Variants in PARD3B observed in about 807,000 individuals in gnomAD.
PARD3B encodes the protein par-3 family cell polarity regulator beta, also known as partitioning defective 3 homolog B.
Under a neutral mutation model 130.2 loss-of-function variants are expected in PARD3B, and 103 were observed. That is an observed-to-expected ratio of 0.79 (90% CI 0.67 to 0.93). The LOEUF is 0.93. Ranked by LOEUF, PARD3B falls within the 40% of genes least tolerant of loss-of-function variation. The pLI is 0.00. For synonymous variants in PARD3B, 583 were observed against 553.2 expected, an observed-to-expected ratio of 1.05 and a Z score of -0.76; for missense variants, 1,609 against 1,499.2, an observed-to-expected ratio of 1.07 and a Z score of -1.21.
intron 2 of PARD3B, among the ~76,000 whole-genome samples, chr2:204,746,212 A>G (rs1183145006): frequency 6.4e-5 from 9 of 141,304 alleles, no homozygotes; most frequent in Non-Finnish European, 1.5e-5. Context: ...ATTCCCACCT[A>G]TGAGTGAGAA....
chr2:205,113,661 G>A (rs1410061434), intron 6 of PARD3B, 84 bp downstream of exon 6: 1 of 981,412 alleles, frequency 1.0e-6, no homozygotes, highest in Non-Finnish European at 1.5e-6. Flanking sequence ...TTCACAAGGA[G>A]ATTAAATGTG....
intron 4 of PARD3B, among the ~76,000 whole-genome samples, chr2:205,080,467 G>A (rs1043369347): frequency 1.3e-5 from 2 of 151,844 alleles, no homozygotes; most frequent in Non-Finnish European, 2.9e-5. Context: ...ATATGAAAAG[G>A]GAAAAAATAA....
Position 205,615,555 on chromosome 2 carries a change from C to A in PARD3B, c.3360C>A (p.His1120Gln), listed in dbSNP as rs775717866. 5.0e-6 allele frequency: 8 copies of A among 1,614,050 alleles called. No individual in the cohort carries two copies. The Admixed American group carries it at 8.3e-5, about 17-fold the overall frequency. Residue 1120 changes from histidine to glutamine, a missense_variant, in exon 23 of 23, where the codon CAC (histidine) becomes CAA (glutamine). By Grantham distance (24) the His-to-Gln change is conservative. Transcript: ENST00000406610. ...LPYYPGAHPM[H>Q]PPKGSYPRPT... The stretch of plus-strand genomic sequence containing the variant: ...ATTATCCAGGGGCTCATCCTATGCA[C>A]CCTCCCAAAGGGAGCTATCCCCGCC...
intron 2 of PARD3B, among the ~76,000 whole-genome samples, chr2:204,854,680 A>C (rs973013135): frequency 6.6e-6 from 1 of 152,160 alleles, no homozygotes; most frequent in Admixed American, 6.5e-5. Context: ...CATGAGGCAA[A>C]ATGTCTCCTG....
In PARD3B at chr2:205,274,529, G is replaced by A. The variant is rs1190888635; in HGVS notation, c.2186-26001G>A. ...TAAATATGAATAGTATTAAATGTGT[G>A]GTACATTGCTTTTTTTAATAACCCC... On this transcript the variant is annotated intron_variant, in intron 16 of 22. Transcript: ENST00000406610. This position sits in a 1 kb window ranked among gnomAD's most constrained non-coding sequence, Gnocchi z 4.2. Among the ~76,000 whole-genome samples, 2 of 61,806 alleles carry A rather than the reference G, an allele frequency of 3.2e-5. No individual in the cohort carries two copies. Among genetic ancestry groups the A allele is most frequent in the Non-Finnish European group, 6.9e-5 (2 of 28,882 alleles). The allele number at this position is 61,806 out of a possible 152,430, so 40.5% of individuals were successfully genotyped here. A position where few individuals can be genotyped will look rare whatever the true frequency, so the allele number is the denominator to read the frequency against.
chr2:204,643,468 A>G (rs1314210098), intron 1 of PARD3B, among the ~76,000 whole-genome samples: 3 of 152,078 alleles, frequency 2.0e-5, no homozygotes, highest in Admixed American at 2.0e-4. Context: ...GTGTCTTTCT[A>G]CGAATTTGAC....
intron 2 of PARD3B, among the ~76,000 whole-genome samples, chr2:204,800,405 G>A (rs958755463): frequency 6.6e-6 from 1 of 152,096 alleles, no homozygotes; most frequent in South Asian, 2.1e-4. Flanking sequence ...GCAAATTTAA[G>A]TTAGTGGCCT....
At chr2:205,312,037 G>T (rs2042405046) in intron 18 of PARD3B, among the ~76,000 whole-genome samples, 1 of 152,144 alleles carries the variant, frequency 6.6e-6, no homozygotes, top group Non-Finnish European at 1.5e-5. Flanking sequence ...AGGTTAGATA[G>T]AGACTGAATA....
At chr2:205,057,717 GTATATATACA>G (rs1699817007) in intron 4 of PARD3B, among the ~76,000 whole-genome samples, 1 of 105,226 alleles carries the variant, frequency 9.5e-6, no homozygotes. Flanking sequence ...ATGTGTATAC[GTATATATACA>G]TATATGTGTA....
chr2:205,609,499 A>G (rs1019480135), intron 22 of PARD3B, among the ~76,000 whole-genome samples: 3 of 152,150 alleles, frequency 2.0e-5, no homozygotes, highest in African/African-American at 7.2e-5. Flanking sequence ...TCAAACCCCA[A>G]ATTTGGCCAC....
At chr2:204,687,485 T>C (rs2037143079) in intron 2 of PARD3B, among the ~76,000 whole-genome samples, 1 of 152,154 alleles carries the variant, frequency 6.6e-6, no homozygotes, top group Admixed American at 6.5e-5. Flanking sequence ...GTGTTTTTGT[T>C]AGTAGTATCT....
intron 1 of PARD3B, among the ~76,000 whole-genome samples, chr2:204,625,133 G>A (rs1006580610): frequency 7.9e-5 from 12 of 151,966 alleles, no homozygotes; most frequent in South Asian, 2.1e-4. Flanking sequence ...TAAGATATAC[G>A]GTTTGGAAAT....
At chr2:204,868,336 T>C (rs2045505095) in intron 2 of PARD3B, among the ~76,000 whole-genome samples, 1 of 152,192 alleles carries the variant, frequency 6.6e-6, no homozygotes, top group African/African-American at 2.4e-5. Context: ...TTAATATTAG[T>C]GCCATTATCT....
chr2:204,911,074 G>C (rs2047218431), intron 2 of PARD3B, among the ~76,000 whole-genome samples: 1 of 152,130 alleles, frequency 6.6e-6, no homozygotes, highest in African/African-American at 2.4e-5. Flanking sequence ...TTTATTTTAT[G>C]ATGTTTGTGT....
intron 18 of PARD3B, among the ~76,000 whole-genome samples, chr2:205,320,585 A>T (rs892125876): frequency 6.6e-6 from 1 of 152,242 alleles, no homozygotes; most frequent in Admixed American, 6.5e-5. Context: ...CAGCATTGTC[A>T]TTAACAACTA....
Position 205,473,997 on chromosome 2 carries a change from T to C in PARD3B, c.3045-25899T>C, listed in dbSNP as rs1386754794. Among the ~76,000 whole-genome samples, 1 of 151,642 alleles carries C rather than the reference T, an allele frequency of 6.6e-6. No homozygotes were observed. The highest frequency in any genetic ancestry group is 2.1e-4 in the South Asian group (1 of 4,820). Reference sequence around the variant, plus strand: ...TTATGGGTCATAAAGCACTGTCATATACATGTTCTTATTTCATCTTCACCA... The same window carrying C: ...TTATGGGTCATAAAGCACTGTCATACACATGTTCTTATTTCATCTTCACCA... On this transcript the variant is annotated intron_variant, in intron 20 of 22. Transcript: ENST00000406610. This position sits in a 1 kb window ranked among gnomAD's most constrained non-coding sequence, Gnocchi z 4.9.
chr2:204,581,075 G>A (rs2032530743), intron 1 of PARD3B, among the ~76,000 whole-genome samples: 1 of 152,120 alleles, frequency 6.6e-6, no homozygotes, highest in African/African-American at 2.4e-5. Flanking sequence ...GCCAATAGAT[G>A]TATCACACTA....
chr2:205,512,139 A>C (rs1030093552), intron 21 of PARD3B, among the ~76,000 whole-genome samples: 1 of 152,312 alleles, frequency 6.6e-6, no homozygotes, highest in East Asian at 1.9e-4. Context: ...ACCACTTTTG[A>C]ATACGATTGT....
rs2040394209 is a variant in PARD3B, at chr2:205,263,482, A to G, written c.2185+17660A>G. On this transcript the variant is annotated intron_variant, in intron 16 of 22. Coordinates refer to ENST00000406610, the MANE Select transcript of PARD3B (RefSeq NM_001302769.2). The surrounding 1 kb of genome is among the most constrained non-coding windows in gnomAD (Gnocchi z 4.0). ...AAATTCTGTCATTTCACTTCTTATA[A>G]ACCTTCAATATGGAACAATTATATG... 6.6e-6 allele frequency among the ~76,000 whole-genome samples: 1 copy of G among 151,182 alleles called. No homozygotes were observed. Among genetic ancestry groups the G allele is most frequent in the Non-Finnish European group, 1.5e-5 (1 of 67,682 alleles).
Sources: gnomAD v4.1 joint callset for allele counts (sites outside exome capture counted in the v4.1 genomes callset) on GRCh38, gnomAD v4.1.1 for gene constraint, Gnocchi (gnomAD v3.1) non-coding constraint, MANE v1.5 for transcripts, NCBI Gene and HGNC (gene_info 2026-07-23, HGNC 2026-07-21) for gene names.